The following RFTN1 variants were observed in gnomAD, a reference collection of about 807,000 sequenced individuals.
The protein encoded by RFTN1 is raftlin.
Under a neutral mutation model 46.5 loss-of-function variants are expected in RFTN1, and 26 were observed. The ratio of observed to expected loss-of-function variants is 0.56; its 90% CI spans 0.41 to 0.78. The LOEUF (loss-of-function observed/expected upper bound fraction) is 0.78, where lower values mean the gene tolerates loss of function less well. RFTN1 is among the 30% of genes least tolerant of loss of function. The pLI is 0.00. For missense variants in RFTN1, 693 were observed against 718.7 expected (o/e 0.96, Z 0.41); for synonymous variants, 261 against 284.2 (o/e 0.92, Z 0.82).
chr3:16,431,511 A>G lies in RFTN1; in HGVS notation c.332+2340T>C, dbSNP rs530654289. On this transcript the variant is annotated intron_variant, in intron 3 of 9. Transcript: ENST00000334133. ...CTCCACAGCAGGGAGAAAAAAAAAA[A>G]AAGATACACCTTCACTTTTTGAGTT... Among the ~76,000 whole-genome samples the G allele has an allele frequency of 4.6e-5, 7 of 152,222 alleles. No homozygotes were observed. The East Asian group carries it at 1.2e-3, about 25-fold the overall frequency.
chr3:16,435,759 G>A (rs977825583), intron 2 of RFTN1, among the ~76,000 whole-genome samples: 2 of 151,844 alleles, frequency 1.3e-5, no homozygotes, highest in Non-Finnish European at 2.9e-5. Context: ...GCATGTGTGC[G>A]CTTATAGTAC....
At position 16,346,174 on chromosome 3, in the gene RFTN1, ACATT is replaced by A. The variant is rs1273851654; in HGVS notation, c.1146+11754_1146+11757del. The A allele has an allele frequency of 6.6e-6, 1 of 152,184 alleles. No individual in the cohort carries two copies. Among genetic ancestry groups the A allele is most frequent in the African/African-American group, 2.4e-5 (1 of 41,448 alleles). 9.4% of individuals were successfully genotyped at this position (152,184 alleles called of 1,614,324 possible). A position where few individuals can be genotyped will look rare whatever the true frequency, so the allele number is the denominator to read the frequency against. ...TGAATGTGGAAAGGCCAGGGGGTGCACATTCATTTTTAATGACTACACACCTTCC... is the reference window on the plus strand; with the variant it reads ...TGAATGTGGAAAGGCCAGGGGGTGCACATTTTTAATGACTACACACCTTCC... On this transcript the variant is annotated intron_variant, in intron 7 of 9. Transcript: ENST00000334133. The surrounding 1 kb of genome is among the most constrained non-coding windows in gnomAD (Gnocchi z 4.4).
chr3:16,492,003 T>C (rs181275858), intron 2 of RFTN1, among the ~76,000 whole-genome samples: 19 of 152,286 alleles, frequency 1.2e-4, no homozygotes, highest in Middle Eastern at 6.8e-3. Context: ...AATAATTGTA[T>C]GTTACATTAG....
chr3:16,393,320 C>T (rs73041478), intron 4 of RFTN1, among the ~76,000 whole-genome samples: 6,488 of 152,204 alleles, frequency 0.043, 161 homozygotes, highest in Middle Eastern at 0.082. Context: ...GGGATAGATG[C>T]ACCATAGACA....
rs1021765326 is a variant in RFTN1, at chr3:16,344,161, T to G, written c.1146+13771A>C. Among the ~76,000 whole-genome samples, 1 of 152,220 alleles carries G rather than the reference T, an allele frequency of 6.6e-6. No homozygotes were observed. Among genetic ancestry groups the G allele is most frequent in the Non-Finnish European group, 1.5e-5 (1 of 68,036 alleles). ...ATGCTTCATTCTATATTATTGACTT[T>G]TTGGAGCTTAAATACAATTTGTTGA... On this transcript the variant is annotated intron_variant, in intron 7 of 9. Transcript: ENST00000334133. This position sits in a 1 kb window ranked among gnomAD's most constrained non-coding sequence, Gnocchi z 4.4.
At chr3:16,389,253 AAATATAACAGGGTCCTAATGAC>A (rs1283257180) in intron 4 of RFTN1, among the ~76,000 whole-genome samples, 1 of 152,252 alleles carries the variant, frequency 6.6e-6, no homozygotes, top group Non-Finnish European at 1.5e-5. Flanking sequence ...AGACCAACAA[AAATATAACAGGGTCCTAATGAC>A]ATTTGAAACT....
chr3:16,431,343 A>G (rs1559343479), intron 3 of RFTN1, among the ~76,000 whole-genome samples: 2 of 152,180 alleles, frequency 1.3e-5, no homozygotes, highest in Non-Finnish European at 1.5e-5. Flanking sequence ...AGTGCGTGCC[A>G]CGGACCATCA....
Position 16,399,245 on chromosome 3 carries a change from G to GA in RFTN1, c.441+10129dup, listed in dbSNP as rs928383387. On this transcript the variant is annotated intron_variant, in intron 4 of 9. Coordinates refer to ENST00000334133, the MANE Select transcript of RFTN1 (RefSeq NM_015150.2). The stretch of plus-strand genomic sequence containing the variant: ...TGAAGATAATTCAGCAAACCCATGA[G>GA]AAAAAAAAGAACATCTTAAAATTTT... 1.5e-4 allele frequency among the ~76,000 whole-genome samples: 22 copies of GA among 151,396 alleles called. No homozygotes were observed. In the South Asian group the frequency reaches 2.7e-3, roughly 19 times the overall value.
Position 16,324,646 on chromosome 3 carries a change from T to TTGTGTGTGTGTGTGTG in RFTN1, c.1251-1205_1251-1190dup, listed in dbSNP as rs71632869. ...CCTTTTAAGGTTGCATAGTATTCCATTGTGTGTGTGTGTGTGTGTGTGTGT... is the reference window on the plus strand; with the variant it reads ...CCTTTTAAGGTTGCATAGTATTCCATTGTGTGTGTGTGTGTGTGTGTGTGTGTGTGTGTGTGTGTGT... On this transcript the variant is annotated intron_variant, in intron 8 of 9. Coordinates refer to ENST00000334133, the MANE Select transcript of RFTN1 (RefSeq NM_015150.2). Among the ~76,000 whole-genome samples, 538 of 100,374 alleles carry TTGTGTGTGTGTGTGTG rather than the reference T, an allele frequency of 5.4e-3. 2 individuals are homozygous for TTGTGTGTGTGTGTGTG. Among genetic ancestry groups the TTGTGTGTGTGTGTGTG allele is most frequent in the Non-Finnish European group, 7.0e-3 (365 of 52,508 alleles). 65.8% of individuals were successfully genotyped at this position (100,374 alleles called of 152,430 possible).
intron 6 of RFTN1, among the ~76,000 whole-genome samples, chr3:16,368,109 G>A (rs900302766): frequency 1.3e-5 from 2 of 151,554 alleles, no homozygotes; most frequent in African/African-American, 4.9e-5. Context: ...CCCAAGATGG[G>A]CAATGTGGTG....
chr3:16,464,102 C>T (rs1361354159), intron 2 of RFTN1, among the ~76,000 whole-genome samples: 1 of 152,160 alleles, frequency 6.6e-6, no homozygotes, highest in African/African-American at 2.4e-5. Flanking sequence ...TCGAACCTCT[C>T]GTCCCATGCA....
intron 2 of RFTN1, among the ~76,000 whole-genome samples, chr3:16,455,032 G>A (rs867761764): frequency 1.3e-5 from 2 of 152,156 alleles, no homozygotes; most frequent in South Asian, 2.1e-4. Context: ...GGTCTTCCAA[G>A]GGTAAGGAAA....
Position 16,473,721 on chromosome 3 carries a change from C to G in RFTN1, c.145+20004G>C, listed in dbSNP as rs1377383049. ...TGCACCTGGCCAAATACTCGGTATT[C>G]TTGAAAGCATTCTATTAGTACAAGG... On this transcript the variant is annotated intron_variant, in intron 2 of 9. Coordinates refer to ENST00000334133, the MANE Select transcript of RFTN1 (RefSeq NM_015150.2). The surrounding 1 kb of genome is among the most constrained non-coding windows in gnomAD (Gnocchi z 5.3). Among the ~76,000 whole-genome samples, 1 of 152,180 alleles carries G rather than the reference C, an allele frequency of 6.6e-6. No individual in the cohort carries two copies. Among genetic ancestry groups the G allele is most frequent in the Non-Finnish European group, 1.5e-5 (1 of 68,024 alleles).
rs994747277 is a variant in RFTN1, at chr3:16,427,119, C to T, written c.332+6732G>A. The stretch of plus-strand genomic sequence containing the variant: ...GAGGCTGCAAGATGGCAGCCAGTGG[C>T]ATGGGTTAGGGACAAACAATCCTAC... On this transcript the variant is annotated intron_variant, in intron 3 of 9. Coordinates refer to ENST00000334133, the MANE Select transcript of RFTN1 (RefSeq NM_015150.2). The surrounding 1 kb of genome is among the most constrained non-coding windows in gnomAD (Gnocchi z 5.4). 1.3e-4 allele frequency among the ~76,000 whole-genome samples: 20 copies of T among 152,328 alleles called. No homozygotes were observed. Among genetic ancestry groups the T allele is most frequent in the African/African-American group, 4.8e-4 (20 of 41,570 alleles).
chr3:16,440,929 C>T lies in RFTN1; in HGVS notation c.146-6892G>A, dbSNP rs899196871. On this transcript the variant is annotated intron_variant, in intron 2 of 9. Transcript: ENST00000334133. This position sits in a 1 kb window ranked among gnomAD's most constrained non-coding sequence, Gnocchi z 4.6. Reference sequence around the variant, plus strand: ...CACTGTCCAGGCGCAGTGTGAGCATCAGTCATACATGGAGGAGGATGTCAT... The same window carrying T: ...CACTGTCCAGGCGCAGTGTGAGCATTAGTCATACATGGAGGAGGATGTCAT... Among the ~76,000 whole-genome samples, 4 of 152,184 alleles carry T rather than the reference C, an allele frequency of 2.6e-5. No individual in the cohort carries two copies. The highest frequency in any genetic ancestry group is 9.7e-5 in the African/African-American group (4 of 41,440).
rs926966405 is a variant in RFTN1 at position 16,468,932 on chromosome 3, A to G, written c.145+24793T>C. Among the ~76,000 whole-genome samples, 2 of 152,262 alleles carry G rather than the reference A, an allele frequency of 1.3e-5. No homozygotes were observed. Among genetic ancestry groups the G allele is most frequent in the Admixed American group, 1.3e-4 (2 of 15,288 alleles). On this transcript the variant is annotated intron_variant, in intron 2 of 9. Coordinates refer to ENST00000334133, the MANE Select transcript of RFTN1 (RefSeq NM_015150.2). This position sits in a 1 kb window ranked among gnomAD's most constrained non-coding sequence, Gnocchi z 4.4. ...GGCATGCAGCCATTTCTTCACTGCC[A>G]AAAGGCCAATCCATTCCCCCCATCA...
At chr3:16,405,460 C>G (rs183504769) in intron 4 of RFTN1, among the ~76,000 whole-genome samples, 1 of 152,162 alleles carries the variant, frequency 6.6e-6, no homozygotes, top group Admixed American at 6.5e-5. Context: ...ATTTGACCAG[C>G]TAGAGCACTC....
chr3:16,367,966 T>C (rs1228489909), intron 6 of RFTN1, among the ~76,000 whole-genome samples: 1 of 152,146 alleles, frequency 6.6e-6, no homozygotes, highest in Non-Finnish European at 1.5e-5. Flanking sequence ...GTGTATCCAC[T>C]ATCTCCAGCA....
intron 4 of RFTN1, among the ~76,000 whole-genome samples, chr3:16,405,724 C>T (rs968537311): frequency 1.1e-4 from 16 of 152,128 alleles, no homozygotes; most frequent in African/African-American, 2.9e-4. Flanking sequence ...AATACTGGGG[C>T]ATTGTTCTTA....
Sources: allele counts gnomAD v4.1 joint callset (sites outside exome capture counted in the v4.1 genomes callset), GRCh38; gene constraint gnomAD v4.1.1; non-coding constraint Gnocchi (gnomAD v3.1); transcripts MANE v1.5; gene names NCBI Gene and HGNC (gene_info 2026-07-23, HGNC 2026-07-21).